ADAMTS6: variants seen among roughly 807,000 people sequenced by gnomAD.
ADAMTS6 encodes the protein A disintegrin and metalloproteinase with thrombospondin motifs 6.
Under a neutral mutation model 144.3 loss-of-function variants are expected in ADAMTS6, and 23 were observed. That is an observed-to-expected ratio of 0.16 (90% CI 0.11 to 0.23). The LOEUF (loss-of-function observed/expected upper bound fraction) is 0.23. Among genes scored for constraint, ADAMTS6 ranks in the 10% least tolerant of loss-of-function variants. The pLI, the probability that ADAMTS6 is intolerant of heterozygous loss-of-function variation, is 1.00. For synonymous variants in ADAMTS6, 444 were observed against 457.5 expected, an observed-to-expected ratio of 0.97 and a Z score of 0.38; for missense variants, 999 against 1,379.6, an observed-to-expected ratio of 0.72 and a Z score of 4.37.
intron 7 of ADAMTS6, among the ~76,000 whole-genome samples, chr5:65,439,201 C>A (rs1056257368): frequency 2.6e-5 from 4 of 152,070 alleles, no homozygotes; most frequent in Non-Finnish European, 4.4e-5. Context: ...AGAATGCCAA[C>A]TACCTAATAT....
chr5:65,256,317 C>T (rs998286780), intron 14 of ADAMTS6: 1 of 152,126 alleles, frequency 6.6e-6, no homozygotes, highest in Admixed American at 6.5e-5. Flanking sequence ...TTAGACAGTG[C>T]TAGTGTAGAT....
intron 15 of ADAMTS6, among the ~76,000 whole-genome samples, chr5:65,227,988 A>G (rs1172365540): frequency 6.6e-6 from 1 of 152,140 alleles, no homozygotes; most frequent in East Asian, 1.9e-4. Flanking sequence ...CTAACTTATA[A>G]TGTGATTTTT....
At chr5:65,225,994 T>C in intron 16 of ADAMTS6, 92 bp downstream of exon 16, 1 of 1,340,974 alleles carries the variant, frequency 7.5e-7, no homozygotes, top group Non-Finnish European at 9.8e-7. Context: ...TCCCCTTTTT[T>C]TAAAAAATTA....
intron 7 of ADAMTS6, among the ~76,000 whole-genome samples, chr5:65,361,075 C>T (rs1417185549): frequency 6.6e-6 from 1 of 152,086 alleles, no homozygotes; most frequent in East Asian, 1.9e-4. Flanking sequence ...GCATGAACCT[C>T]TCTTAGGACC....
intron 7 of ADAMTS6, 168 bp downstream of exon 7, chr5:65,451,307 T>C: frequency 1.6e-6 from 1 of 615,938 alleles, no homozygotes; most frequent in Non-Finnish European, 2.6e-6. Context: ...GTTCATTTGA[T>C]GCAAACACAA....
At chr5:65,200,340 C>G (rs114528238) in intron 20 of ADAMTS6, among the ~76,000 whole-genome samples, 88 of 152,256 alleles carry the variant, frequency 5.8e-4, no homozygotes, top group African/African-American at 1.9e-3. Context: ...TACAGATCAA[C>G]TGGAAATAAT....
At chr5:65,335,530 A>T (rs1375349800) in intron 7 of ADAMTS6, among the ~76,000 whole-genome samples, 1 of 152,168 alleles carries the variant, frequency 6.6e-6, no homozygotes, top group Non-Finnish European at 1.5e-5. Context: ...TTTCATGGTA[A>T]TGCAGATACA....
chr5:65,282,059 G>A (rs962342960), intron 11 of ADAMTS6, among the ~76,000 whole-genome samples: 1 of 152,124 alleles, frequency 6.6e-6, no homozygotes, highest in African/African-American at 2.4e-5. Flanking sequence ...TATCATTAAG[G>A]AAAGCAGTAT....
intron 7 of ADAMTS6, among the ~76,000 whole-genome samples, chr5:65,450,267 C>T (rs528488780): frequency 1.3e-5 from 2 of 152,224 alleles, no homozygotes; most frequent in South Asian, 4.1e-4. Context: ...CAAATTTTCT[C>T]ACCAATGATG....
At chr5:65,305,471 C>CTG (rs1271107021) in intron 9 of ADAMTS6, among the ~76,000 whole-genome samples, 1 of 152,016 alleles carries the variant, frequency 6.6e-6, no homozygotes, top group East Asian at 1.9e-4. Flanking sequence ...GATAATGATG[C>CTG]TGTGCCTTGA....
chr5:65,222,419 A>T (rs946150418), intron 18 of ADAMTS6, among the ~76,000 whole-genome samples: 1 of 152,206 alleles, frequency 6.6e-6, no homozygotes, highest in Non-Finnish European at 1.5e-5. Context: ...GAAAAAATGG[A>T]ACATCAACCC....
intron 11 of ADAMTS6, among the ~76,000 whole-genome samples, chr5:65,283,495 T>C (rs1456538736): frequency 6.6e-6 from 1 of 151,836 alleles, no homozygotes; most frequent in Admixed American, 6.6e-5. Context: ...AAGAAGCAAA[T>C]GCAGGGTAAA....
chr5:65,158,811 T>A (rs958486033), intron 24 of ADAMTS6, among the ~76,000 whole-genome samples: 1 of 152,206 alleles, frequency 6.6e-6, no homozygotes, highest in Non-Finnish European at 1.5e-5. Flanking sequence ...AAATTGTATC[T>A]CCCTTCTTCT....
At chr5:65,460,876 T>G (rs1363514551) in intron 3 of ADAMTS6, among the ~76,000 whole-genome samples, 1 of 152,176 alleles carries the variant, frequency 6.6e-6, no homozygotes, top group Non-Finnish European at 1.5e-5. Flanking sequence ...GTGTGACCTC[T>G]TAGAAAGATG....
intron 7 of ADAMTS6, among the ~76,000 whole-genome samples, chr5:65,442,983 T>C (rs1757981826): frequency 6.6e-6 from 1 of 152,176 alleles, no homozygotes; most frequent in South Asian, 2.1e-4. Flanking sequence ...TCCAATTTCA[T>C]CCATGTCCCT....
chr5:65,207,932 A>G (rs1220509499), intron 20 of ADAMTS6, among the ~76,000 whole-genome samples: 2 of 152,266 alleles, frequency 1.3e-5, no homozygotes, highest in Non-Finnish European at 2.9e-5. Flanking sequence ...AAAAGCATTT[A>G]TTACATTAAT....
chr5:65,245,629 C>G (rs1000296056), intron 14 of ADAMTS6, among the ~76,000 whole-genome samples: 6 of 152,112 alleles, frequency 3.9e-5, no homozygotes, highest in African/African-American at 1.4e-4. Context: ...TCATCATCAT[C>G]ATGAACTACT....
chr5:65,316,950 C>T (rs561097199), intron 9 of ADAMTS6, among the ~76,000 whole-genome samples: 6 of 151,916 alleles, frequency 3.9e-5, no homozygotes, highest in African/African-American at 1.2e-4. Context: ...TACAAGCGTG[C>T]GCCATCAAGC....
chr5:65,259,549 G>A (rs1303203607), intron 14 of ADAMTS6, among the ~76,000 whole-genome samples: 1 of 152,126 alleles, frequency 6.6e-6, no homozygotes, highest in African/African-American at 2.4e-5. Context: ...AGATTTAACA[G>A]CATGGAAATC....
Sources: allele counts gnomAD v4.1 joint callset (sites outside exome capture counted in the v4.1 genomes callset), GRCh38; gene constraint gnomAD v4.1.1; transcripts MANE v1.5; gene names NCBI Gene and HGNC (gene_info 2026-07-23, HGNC 2026-07-21).